The following DIS3L2 variants were observed in gnomAD, a reference collection of about 807,000 sequenced individuals.
The protein encoded by DIS3L2 is DIS3 like 3'-5' exoribonuclease 2.
In DIS3L2, 34 loss-of-function variants were observed where a neutral mutation model predicts 97.5. The observed-to-expected ratio is 0.35, with a 90% CI of 0.27 to 0.46. The LOEUF (loss-of-function observed/expected upper bound fraction) is 0.46. Among genes scored for constraint, DIS3L2 ranks in the 20% least tolerant of loss-of-function variants. DIS3L2 has a pLI of 1.00. For synonymous variants in DIS3L2, 435 were observed against 445.2 expected, an observed-to-expected ratio of 0.98 and a Z score of 0.29; for missense variants, 1,038 against 1,146.0, an observed-to-expected ratio of 0.91 and a Z score of 1.36.
intron 1 of DIS3L2, chr2:231,978,355 G>A (rs1277303256): frequency 6.6e-6 from 1 of 152,172 alleles, no homozygotes; most frequent in Non-Finnish European, 1.5e-5. Flanking sequence ...TCCCTAAACT[G>A]TGGTTTAATT....
chr2:232,190,455 C>A (rs1691582560), intron 9 of DIS3L2, among the ~76,000 whole-genome samples: 1 of 152,080 alleles, frequency 6.6e-6, no homozygotes, highest in South Asian at 2.1e-4. Context: ...AGGTGAAATT[C>A]AGAAGACTGA....
At chr2:232,078,695 A>G (rs1696290628) in intron 5 of DIS3L2, among the ~76,000 whole-genome samples, 1 of 152,246 alleles carries the variant, frequency 6.6e-6, no homozygotes. Flanking sequence ...GCAAGTTTCT[A>G]TAGAATACAC....
At chr2:232,081,631 A>C (rs547874325) in intron 5 of DIS3L2, among the ~76,000 whole-genome samples, 7 of 152,264 alleles carry the variant, frequency 4.6e-5, no homozygotes, top group Admixed American at 3.3e-4. Context: ...TTGACCAGAG[A>C]AGCCCCTTTA....
At chr2:231,998,913 C>T (rs1693800655) in intron 1 of DIS3L2, among the ~76,000 whole-genome samples, 1 of 152,188 alleles carries the variant, frequency 6.6e-6, no homozygotes, top group East Asian at 1.9e-4. Flanking sequence ...TATATTTGGC[C>T]AGTAGCAGCC....
chr2:232,201,317 A>T (rs751258525), intron 9 of DIS3L2, among the ~76,000 whole-genome samples: 10 of 152,212 alleles, frequency 6.6e-5, no homozygotes, highest in Non-Finnish European at 1.2e-4. Context: ...TTTTTACCCA[A>T]CTTTCCATTT....
intron 1 of DIS3L2, among the ~76,000 whole-genome samples, chr2:231,973,226 C>T (rs1158870215): frequency 6.6e-6 from 1 of 152,098 alleles, no homozygotes; most frequent in African/African-American, 2.4e-5. Context: ...TTATCTATTA[C>T]TTGAACGAAC....
At chr2:232,014,517 A>G (rs1195967412) in intron 1 of DIS3L2, among the ~76,000 whole-genome samples, 2 of 152,198 alleles carry the variant, frequency 1.3e-5, no homozygotes, top group South Asian at 2.1e-4. Context: ...TTTCAAAACT[A>G]TATTTCTTTA....
At chr2:232,175,476 T>C (rs960746717) in intron 9 of DIS3L2, among the ~76,000 whole-genome samples, 6 of 152,220 alleles carry the variant, frequency 3.9e-5, no homozygotes, top group Admixed American at 1.3e-4. Flanking sequence ...AGTTTTCTTG[T>C]GATAACTTTG....
chr2:232,329,785 T>TCCCGGGCCC, intron 14 of DIS3L2, 28 bp from the exon 15 acceptor site: 1 of 967,142 alleles, frequency 1.0e-6, no homozygotes, highest in Non-Finnish European at 1.5e-6. Context: ...ACCCCAGCGG[T>TCCCGGGCCC]CCCTCCCATC....
At chr2:232,073,737 TC>T (rs1696103367) in intron 5 of DIS3L2, among the ~76,000 whole-genome samples, 1 of 152,218 alleles carries the variant, frequency 6.6e-6, no homozygotes, top group Admixed American at 6.5e-5. Flanking sequence ...AGGGACTTTT[TC>T]TGTTTGCTTT....
intron 8 of DIS3L2, among the ~76,000 whole-genome samples, chr2:232,153,962 A>G (rs1270775783): frequency 6.8e-6 from 1 of 146,766 alleles, no homozygotes; most frequent in East Asian, 2.0e-4. Context: ...TTCATCTTCC[A>G]TTGCTGATAC....
chr2:232,226,744 G>A (rs141327957), intron 10 of DIS3L2, among the ~76,000 whole-genome samples: 1 of 152,310 alleles, frequency 6.6e-6, no homozygotes, highest in African/African-American at 2.4e-5. Flanking sequence ...GGCCGAGGTG[G>A]GAGGATTGCT....
chr2:232,293,570 G>A lies in DIS3L2; in HGVS notation c.1660-6470G>A, dbSNP rs564977541. Among the ~76,000 whole-genome samples the A allele has an allele frequency of 5.3e-5, 8 of 152,284 alleles. No individual in the cohort carries two copies. The highest frequency in any genetic ancestry group is 1.0e-4 in the Non-Finnish European group (7 of 68,034). ...TCTGAACCCCTCAGGGAAGTGGACC[G>A]CGTCGGGGAGTGCATGGAGCTCTGC... On this transcript the variant is annotated intron_variant, in intron 13 of 20. Transcript: ENST00000325385. The surrounding 1 kb of genome is among the most constrained non-coding windows in gnomAD (Gnocchi z 4.6).
At chr2:232,157,683 G>C (rs968979769) in intron 8 of DIS3L2, among the ~76,000 whole-genome samples, 4 of 152,192 alleles carry the variant, frequency 2.6e-5, no homozygotes, top group Non-Finnish European at 5.9e-5. Flanking sequence ...GCGATCTGAT[G>C]TGAAGTAGTT....
chr2:232,023,567 A>G (rs1358986887), intron 3 of DIS3L2, among the ~76,000 whole-genome samples: 1 of 152,142 alleles, frequency 6.6e-6, no homozygotes, highest in Non-Finnish European at 1.5e-5. Context: ...TTCCTGCAAG[A>G]GCCTGAAATA....
intron 6 of DIS3L2, among the ~76,000 whole-genome samples, chr2:232,092,599 T>C (rs980788908): frequency 2.6e-5 from 4 of 152,178 alleles, no homozygotes; most frequent in Non-Finnish European, 5.9e-5. Flanking sequence ...ATAGTTTTCA[T>C]TGTATAGATC....
At position 232,293,996 on chromosome 2, in the gene DIS3L2, C is replaced by G. The variant is rs1201292363; in HGVS notation, c.1660-6044C>G. Among the ~76,000 whole-genome samples, 1 of 152,200 alleles carries G rather than the reference C, an allele frequency of 6.6e-6. No individual in the cohort carries two copies. Among genetic ancestry groups the G allele is most frequent in the East Asian group, 1.9e-4 (1 of 5,188 alleles). ...CGGAGGTGGCAGGGACCAGGCCTGC[C>G]TCCACCAAGGCACTGGCTGCCCACT... On this transcript the variant is annotated intron_variant, in intron 13 of 20. Coordinates refer to ENST00000325385, the MANE Select transcript of DIS3L2 (RefSeq NM_152383.5). This position sits in a 1 kb window ranked among gnomAD's most constrained non-coding sequence, Gnocchi z 4.6.
chr2:232,260,841 C>T (rs1487904819), intron 12 of DIS3L2, among the ~76,000 whole-genome samples: 1 of 152,164 alleles, frequency 6.6e-6, no homozygotes, highest in Non-Finnish European at 1.5e-5. Context: ...GTGTGAACAG[C>T]ACCTGGGCTG....
chr2:232,226,656 C>G (rs1048036535), intron 10 of DIS3L2, among the ~76,000 whole-genome samples: 3 of 152,108 alleles, frequency 2.0e-5, no homozygotes, highest in African/African-American at 7.2e-5. Context: ...ATACCACATC[C>G]ATATCTATTA....
Sources: allele counts gnomAD v4.1 joint callset (sites outside exome capture counted in the v4.1 genomes callset), GRCh38; gene constraint gnomAD v4.1.1; non-coding constraint Gnocchi (gnomAD v3.1); transcripts MANE v1.5; gene names NCBI Gene and HGNC (gene_info 2026-07-23, HGNC 2026-07-21).